The following CLEC9A variants were observed in gnomAD, a reference collection of about 807,000 sequenced individuals.
CLEC9A encodes C-type lectin domain family 9 member A.
Under a neutral mutation model 30.0 loss-of-function variants are expected in CLEC9A, and 24 were observed. The ratio of observed to expected loss-of-function variants is 0.80; its 90% CI spans 0.58 to 1.13. CLEC9A has a LOEUF of 1.13. Among genes scored for constraint, CLEC9A ranks in the 50% most tolerant of loss-of-function variants. The pLI is 0.00. For missense variants in CLEC9A, 251 were observed against 280.9 expected (o/e 0.89, Z 0.76); for synonymous variants, 111 against 96.8 (o/e 1.15, Z -0.86).
intron 6 of CLEC9A, among the ~76,000 whole-genome samples, chr12:10,062,331 C>A (rs1324651140): frequency 1.3e-5 from 2 of 152,202 alleles, no homozygotes; most frequent in African/African-American, 4.8e-5. Context: ...GTCTTTCCTT[C>A]TATAAACCTG....
At position 10,063,818 on chromosome 12, in the gene CLEC9A, G is replaced by A. The variant is rs189768389; in HGVS notation, c.471+612G>A. 2.5e-3 allele frequency among the ~76,000 whole-genome samples: 375 copies of A among 152,292 alleles called. 1 individual carries two copies. Among genetic ancestry groups the A allele is most frequent in the African/African-American group, 8.2e-3 (339 of 41,558 alleles). On this transcript the variant is annotated intron_variant, in intron 7 of 8. Transcript: ENST00000355819. ...ATCACCTGAGTTCAAGGCCAGCCTG[G>A]CCAACACGGTGAAACCCTGTCTCTA...
At chr12:10,054,019 C>T (rs76386513) in intron 4 of CLEC9A, among the ~76,000 whole-genome samples, 3,088 of 152,180 alleles carry the variant, frequency 0.02, 113 homozygotes, top group African/African-American at 0.071. Flanking sequence ...ATAAGGATAA[C>T]AGAAGTATAC....
intron 2 of CLEC9A, among the ~76,000 whole-genome samples, chr12:10,041,853 C>G (rs1403676776): frequency 2.6e-5 from 4 of 152,180 alleles, no homozygotes; most frequent in African/African-American, 7.2e-5. Context: ...CCTGACAGCT[C>G]AGGTACATAG....
intron 6 of CLEC9A, 45 bp from the exon 7 acceptor site, chr12:10,063,010 A>G: frequency 6.5e-7 from 1 of 1,529,044 alleles, no homozygotes; most frequent in Non-Finnish European, 8.8e-7. Flanking sequence ...ATATGTTGTT[A>G]ATATTTTACA....
At chr12:10,036,009 C>A (rs940239238) in intron 1 of CLEC9A, among the ~76,000 whole-genome samples, 3 of 152,190 alleles carry the variant, frequency 2.0e-5, no homozygotes, top group Non-Finnish European at 4.4e-5. Context: ...TCTTCTTAGG[C>A]AATATTTACC....
chr12:10,043,157 T>G (rs968782921), intron 2 of CLEC9A: 1 of 375,482 alleles, frequency 2.7e-6, no homozygotes, highest in Non-Finnish European at 5.3e-6. Flanking sequence ...TGTCTTTATG[T>G]CATTATCAAC....
chr12:10,065,442 CAG>C, intron 8 of CLEC9A, 56 bp from the exon 9 acceptor site: 1 of 1,601,068 alleles, frequency 6.2e-7, no homozygotes, highest in Non-Finnish European at 8.5e-7. Context: ...TAGTTACCCT[CAG>C]GAGCATTTCT....
intron 5 of CLEC9A, among the ~76,000 whole-genome samples, chr12:10,055,124 A>C (rs1865928951): frequency 1.3e-5 from 2 of 152,318 alleles, no homozygotes; most frequent in Middle Eastern, 3.4e-3. Context: ...TTTTAGAGGA[A>C]CGTTTTAAGA....
At chr12:10,032,006 T>C (rs1865701703) in intron 1 of CLEC9A, among the ~76,000 whole-genome samples, 1 of 152,104 alleles carries the variant, frequency 6.6e-6, no homozygotes, top group Non-Finnish European at 1.5e-5. Flanking sequence ...TTGCAGATGC[T>C]CAATGTCATA....
chr12:10,041,625 G>C lies in CLEC9A; in HGVS notation c.-163+5G>C. ...ACTGACAACCAGAACATTCTGGTAA[G>C]AAGATTCTTATGTCAAATATTTTGG... On this transcript the variant is annotated splice_donor_5th_base_variant and intron_variant, in intron 2 of 8. Coordinates refer to ENST00000355819, the MANE Select transcript of CLEC9A (RefSeq NM_207345.4). The C allele has an allele frequency of 1.9e-6, 1 of 530,722 alleles. No individual in the cohort carries two copies. The highest frequency in any genetic ancestry group is 3.8e-6 in the Non-Finnish European group (1 of 262,186). The allele number at this position is 530,722 out of a possible 1,614,324, so 32.9% of individuals were successfully genotyped here. A position where few individuals can be genotyped will look rare whatever the true frequency, so the allele number is the denominator to read the frequency against.
rs1337407604 is a variant in CLEC9A at position 10,037,261 on chromosome 12, TAC to T, written c.-317-4201_-317-4200del. Reference sequence around the variant, plus strand: ...CCTTCTAAACCATGCCGTTCAACAATACACAATCAGGAATAGGGCGGGCTCAC... The same window carrying T: ...CCTTCTAAACCATGCCGTTCAACAATACAATCAGGAATAGGGCGGGCTCAC... On this transcript the variant is annotated intron_variant, in intron 1 of 8. Coordinates refer to ENST00000355819, the MANE Select transcript of CLEC9A (RefSeq NM_207345.4). Among the ~76,000 whole-genome samples, 10 of 152,282 alleles carry T rather than the reference TAC, an allele frequency of 6.6e-5. No homozygotes were observed. In the East Asian group the frequency reaches 1.9e-3, roughly 29 times the overall value.
At chr12:10,050,472 T>C (rs1865883610) in intron 2 of CLEC9A, among the ~76,000 whole-genome samples, 1 of 152,268 alleles carries the variant, frequency 6.6e-6, no homozygotes, top group East Asian at 1.9e-4. Flanking sequence ...TAGTGCCTAT[T>C]TCATTGAGCT....
At chr12:10,044,336 A>G (rs1236945212) in intron 2 of CLEC9A, among the ~76,000 whole-genome samples, 2 of 152,220 alleles carry the variant, frequency 1.3e-5, no homozygotes, top group African/African-American at 4.8e-5. Context: ...CAATATGATC[A>G]TTACTTGCAC....
At position 10,060,753 on chromosome 12, in the gene CLEC9A, T is replaced by C. The variant is rs148635479; in HGVS notation, c.173-374T>C. 2.1e-4 allele frequency: 45 copies of C among 216,830 alleles called. No homozygotes were observed. In the East Asian group the frequency reaches 7.5e-3, roughly 36 times the overall value. 13.4% of individuals were successfully genotyped at this position (216,830 alleles called of 1,614,324 possible). On this transcript the variant is annotated intron_variant, in intron 5 of 8. Transcript: ENST00000355819. ...AACAAAAGGTGCAAAACCATGTAAA[T>C]ATATTGTTACCATTTGTGTTAAGGG...
intron 4 of CLEC9A, among the ~76,000 whole-genome samples, chr12:10,053,570 C>T (rs1175643330): frequency 2.0e-5 from 3 of 152,158 alleles, no homozygotes; most frequent in Non-Finnish European, 4.4e-5. Flanking sequence ...ATCCCAAATC[C>T]TTAACTTAAT....
intron 2 of CLEC9A, chr12:10,043,104 T>A: frequency 3.9e-6 from 1 of 257,370 alleles, no homozygotes; most frequent in Non-Finnish European, 7.7e-6. Context: ...TATAGACATG[T>A]AATCCAACTT....
chr12:10,040,109 C>G (rs1865779409), intron 1 of CLEC9A, among the ~76,000 whole-genome samples: 1 of 152,206 alleles, frequency 6.6e-6, no homozygotes, highest in African/African-American at 2.4e-5. Context: ...AGGCATGAGT[C>G]ACCTTGCCCA....
At chr12:10,043,127 A>G (rs1041289528) in intron 2 of CLEC9A, 2 of 274,588 alleles carry the variant, frequency 7.3e-6, no homozygotes, top group African/African-American at 4.6e-5. Context: ...TTTTTTGTCC[A>G]GGGTCTTATC....
intron 1 of CLEC9A, among the ~76,000 whole-genome samples, chr12:10,032,214 A>G (rs1401582349): frequency 3.3e-5 from 5 of 152,178 alleles, no homozygotes; most frequent in Non-Finnish European, 7.4e-5. Flanking sequence ...AGAGCTAAGT[A>G]TAATATTAAC....
Sources: allele counts gnomAD v4.1 joint callset (sites outside exome capture counted in the v4.1 genomes callset), GRCh38; gene constraint gnomAD v4.1.1; transcripts MANE v1.5; gene names NCBI Gene and HGNC (gene_info 2026-07-23, HGNC 2026-07-21).